Variants in ABCB5 observed in about 807,000 individuals in gnomAD.
ABCB5 encodes the protein ATP-binding cassette sub-family B member 5.
In ABCB5, 155 loss-of-function variants were observed where a neutral mutation model predicts 144.2. The ratio of observed to expected loss-of-function variants is 1.08; its 90% CI spans 0.94 to 1.23. ABCB5 has a LOEUF of 1.23. Among genes scored for constraint, ABCB5 ranks in the 50% most tolerant of loss-of-function variants. The probability of loss-of-function intolerance (pLI) is 0.00; values close to 1 mark genes in which losing one functional copy is unlikely to be tolerated. For synonymous variants in ABCB5, 610 were observed against 528.6 expected (o/e 1.15, Z -2.11); for missense variants, 1,830 against 1,520.8 (o/e 1.20, Z -3.38).
At chr7:20,699,787 T>C (rs1321152114) in intron 17 of ABCB5, 38 bp from the exon 18 acceptor site, 1 of 1,371,960 alleles carries the variant, frequency 7.3e-7, no homozygotes, top group Admixed American at 2.1e-5. Context: ...CTTTTATATT[T>C]TCCCCCAAAC....
At chr7:20,651,759 G>C in intron 13 of ABCB5, 136 bp downstream of exon 13, 1 of 869,878 alleles carries the variant, frequency 1.1e-6, no homozygotes, top group Non-Finnish European at 1.7e-6. Flanking sequence ...GAACAAGCTT[G>C]TCCAACCAGT....
chr7:20,708,126 C>G (rs924929448), intron 20 of ABCB5, among the ~76,000 whole-genome samples: 1 of 152,114 alleles, frequency 6.6e-6, no homozygotes, highest in African/African-American at 2.4e-5. Flanking sequence ...CTTAATTTAA[C>G]TTTTTGACAT....
At chr7:20,633,150 T>C (rs138948675) in intron 5 of ABCB5, among the ~76,000 whole-genome samples, 1,561 of 152,180 alleles carry the variant, frequency 0.01, 21 homozygotes, top group African/African-American at 0.035. Flanking sequence ...AGACTAATTA[T>C]TCAGACTATT....
At chr7:20,674,653 G>C (rs1375941406) in intron 14 of ABCB5, among the ~76,000 whole-genome samples, 1 of 150,482 alleles carries the variant, frequency 6.6e-6, no homozygotes, top group African/African-American at 2.4e-5. Context: ...TTCTTAGCCA[G>C]GGCAATTAGG....
intron 4 of ABCB5, among the ~76,000 whole-genome samples, chr7:20,629,100 A>T (rs1783974131): frequency 6.6e-6 from 1 of 151,246 alleles, no homozygotes; most frequent in African/African-American, 2.4e-5. Context: ...CCAGAGAAAC[A>T]GCATGGATAG....
At chr7:20,659,246 A>G (rs1784916973) in intron 14 of ABCB5, 2 of 1,532,978 alleles carry the variant, frequency 1.3e-6, no homozygotes, top group Admixed American at 4.0e-5. Context: ...ATTACACTGA[A>G]TCTAGGAGGG....
chr7:20,699,232 G>GATATACT (rs1786524326), intron 17 of ABCB5, among the ~76,000 whole-genome samples: 1 of 152,074 alleles, frequency 6.6e-6, no homozygotes, highest in Non-Finnish European at 1.5e-5. Context: ...GTGGTTTCTT[G>GATATACT]GGAAATATAC....
At chr7:20,695,599 T>A (rs1786385600) in intron 16 of ABCB5, among the ~76,000 whole-genome samples, 1 of 151,958 alleles carries the variant, frequency 6.6e-6, no homozygotes, top group Admixed American at 6.6e-5. Flanking sequence ...CTTCATTATT[T>A]GTAAAACACT....
At chr7:20,634,702 A>T (rs1475457615) in intron 5 of ABCB5, among the ~76,000 whole-genome samples, 1 of 152,018 alleles carries the variant, frequency 6.6e-6, no homozygotes, top group Non-Finnish European at 1.5e-5. Flanking sequence ...GCTCCTTTTG[A>T]AAAGTGTCTG....
rs752273181 is a variant in ABCB5 at position 20,645,859 on chromosome 7, C to G, written c.782C>G (p.Ala261Gly). ...SSIRTVIAFR[A>G]QEKELQRYTQ... Reference sequence around the variant, plus strand: ...ATCCGAACAGTCATAGCCTTTAGGGCCCAGGAGAAAGAACTTCAAAGGTCT... The same window carrying G: ...ATCCGAACAGTCATAGCCTTTAGGGGCCAGGAGAAAGAACTTCAAAGGTCT... Residue 261 changes from alanine (A) to glycine (G), a missense_variant, in exon 8 of 28, where the codon GCC becomes GGC. Physicochemically the swap from Ala to Gly is moderately conservative, Grantham distance 60 (BLOSUM62 0). Transcript: ENST00000404938. The G allele has an allele frequency of 8.1e-6, 13 of 1,613,692 alleles. No homozygotes were observed. The highest frequency in any genetic ancestry group is 1.0e-5 in the Non-Finnish European group (12 of 1,179,734).
Position 20,683,631 on chromosome 7 carries a change from A to C in ABCB5, c.1869+1965A>C, listed in dbSNP as rs373253810. Among the ~76,000 whole-genome samples the C allele has an allele frequency of 1.7e-4, 26 of 152,264 alleles. No homozygotes were observed. The East Asian group carries it at 4.2e-3, about 25-fold the overall frequency. On this transcript the variant is annotated intron_variant, in intron 15 of 27. Transcript: ENST00000404938. The stretch of plus-strand genomic sequence containing the variant: ...GTGGGATGAGTGTGTAAAAATTTTA[A>C]ACACCTTATTTAAAATGGATTAGTA...
In ABCB5 at chr7:20,710,202, G is replaced by A. The variant is rs575164732; in HGVS notation, c.2421+5395G>A. ...CCAGCCTGGCCAACATGGTGAGACC[G>A]TCTCTCTACTAAAAATTAGGTGGGC... On this transcript the variant is annotated intron_variant, in intron 20 of 27. Transcript: ENST00000404938. Among the ~76,000 whole-genome samples the A allele has an allele frequency of 5.6e-4, 83 of 147,550 alleles. 2 individuals are homozygous for A. The highest frequency in any genetic ancestry group is 1.1e-3 in the Non-Finnish European group (70 of 66,564).
intron 1 of ABCB5, among the ~76,000 whole-genome samples, chr7:20,620,762 G>C (rs1199310986): frequency 6.6e-6 from 1 of 152,062 alleles, no homozygotes; most frequent in Non-Finnish European, 1.5e-5. Context: ...TGAGGACATG[G>C]AGAAATTGAA....
intron 5 of ABCB5, among the ~76,000 whole-genome samples, chr7:20,634,238 T>TTGTGTGTGTG (rs10688708): frequency 0.011 from 1,592 of 140,502 alleles, 22 homozygotes; most frequent in African/African-American, 0.038. Context: ...GTATTCCATG[T>TTGTGTGTGTG]TGTGTGTGTG....
chr7:20,621,176 C>T (rs916180495), intron 1 of ABCB5, among the ~76,000 whole-genome samples: 1 of 151,992 alleles, frequency 6.6e-6, no homozygotes, highest in African/African-American at 2.4e-5. Context: ...TGTGAGACAC[C>T]TACAATAGTC....
chr7:20,628,840 T>A lies in ABCB5; in HGVS notation c.259+2T>A. On this transcript the variant is annotated splice_donor_variant, in intron 4 of 27. Transcript: ENST00000404938. LOFTEE classifies it high-confidence loss of function. The stretch of plus-strand genomic sequence containing the variant: ...GATGTCTAGTCCAAACTAACACAAG[T>A]GAGTATACGATTATTTTTCTGTATC... 6.2e-7 allele frequency: 1 copy of A among 1,613,244 alleles called. No individual in the cohort carries two copies. The highest frequency in any genetic ancestry group is 8.5e-7 in the Non-Finnish European group (1 of 1,179,604).
chr7:20,640,144 T>C (rs916652385), intron 5 of ABCB5, among the ~76,000 whole-genome samples: 7 of 152,224 alleles, frequency 4.6e-5, no homozygotes, highest in African/African-American at 9.6e-5. Flanking sequence ...ATTAAGCCTG[T>C]AGTGTTCCAT....
chr7:20,754,163 T>A (rs535626695), intron 27 of ABCB5, among the ~76,000 whole-genome samples: 7 of 152,340 alleles, frequency 4.6e-5, no homozygotes, highest in African/African-American at 1.7e-4. Context: ...ACATGACGAA[T>A]GAGCTTCTTG....
In ABCB5 at chr7:20,698,421, A is replaced by G; in HGVS notation, c.2025A>G (p.Glu675=). 6.3e-7 allele frequency: 1 copy of G among 1,576,604 alleles called. No homozygotes were observed. Among genetic ancestry groups the G allele is most frequent in the East Asian group, 2.3e-5 (1 of 44,412 alleles). Residue 675 remains glutamate, a synonymous_variant, in exon 17 of 28, where the codon GAA becomes GAG. Coordinates refer to ENST00000404938, the MANE Select transcript of ABCB5 (RefSeq NM_001163941.2). ...STQSKEISLP[E]VSLLKILKLN... is the part of the protein sequence containing the mutation. The stretch of plus-strand genomic sequence containing the variant: ...TTTATTTTTAGATAAGTCTTCCTGA[A>G]GTCTCTCTATTAAAAATTTTAAAGT...
Sources: allele counts gnomAD v4.1 joint callset (sites outside exome capture counted in the v4.1 genomes callset), GRCh38; gene constraint gnomAD v4.1.1; transcripts MANE v1.5; gene names NCBI Gene and HGNC (gene_info 2026-07-23, HGNC 2026-07-21).